Variants in CEP112 observed in about 807,000 individuals in gnomAD.
The protein encoded by CEP112 is centrosomal protein 112, also known as centrosomal protein of 112 kDa.
In CEP112, 127 loss-of-function variants were observed where a neutral mutation model predicts 153.0. The ratio of observed to expected loss-of-function variants is 0.83; its 90% CI spans 0.72 to 0.96. CEP112 has a LOEUF of 0.96. Ranked by LOEUF, CEP112 falls within the 40% of genes least tolerant of loss-of-function variation. The pLI is 0.00. For missense variants in CEP112, 1,089 were observed against 1,101.2 expected, an observed-to-expected ratio of 0.99 and a Z score of 0.16; for synonymous variants, 358 against 374.4, an observed-to-expected ratio of 0.96 and a Z score of 0.51.
intron 12 of CEP112, 55 bp from the exon 13 acceptor site, chr17:66,030,078 T>C: frequency 1.4e-6 from 2 of 1,472,256 alleles, no homozygotes; most frequent in Non-Finnish European, 1.9e-6. Context: ...AACACTTTTG[T>C]ATCTGTAAGA....
At chr17:66,092,123 C>G (rs1216920958) in intron 8 of CEP112, among the ~76,000 whole-genome samples, 1 of 151,286 alleles carries the variant, frequency 6.6e-6, no homozygotes, top group Admixed American at 6.6e-5. Flanking sequence ...CACTGCAACC[C>G]CCACCTCCCA....
At chr17:66,005,624 T>C (rs1968872551) in intron 17 of CEP112, 66 bp downstream of exon 17, 2 of 1,546,856 alleles carry the variant, frequency 1.3e-6, no homozygotes, top group African/African-American at 2.8e-5. Flanking sequence ...AGGTCCCAGT[T>C]ACTTAATTTG....
chr17:66,099,504 C>CAAAAAA (rs71160532), intron 6 of CEP112, among the ~76,000 whole-genome samples: 2 of 113,936 alleles, frequency 1.8e-5, no homozygotes, highest in Admixed American at 9.4e-5. Flanking sequence ...AACTCTGTCT[C>CAAAAAA]AAAAAAAAAA....
At chr17:65,753,642 T>G (rs574711134) in intron 21 of CEP112, among the ~76,000 whole-genome samples, 1 of 152,328 alleles carries the variant, frequency 6.6e-6, no homozygotes, top group African/African-American at 2.4e-5. Context: ...GGTTTATTTG[T>G]CTTGGCTCAC....
At chr17:65,792,714 T>C (rs1340123433) in intron 21 of CEP112, among the ~76,000 whole-genome samples, 1 of 152,180 alleles carries the variant, frequency 6.6e-6, no homozygotes, top group East Asian at 1.9e-4. Context: ...AGAGCTGAAT[T>C]TTCTCTGACC....
intron 8 of CEP112, among the ~76,000 whole-genome samples, chr17:66,072,313 C>T (rs915806483): frequency 6.6e-6 from 1 of 152,112 alleles, no homozygotes; most frequent in Non-Finnish European, 1.5e-5. Flanking sequence ...TTATCTACTG[C>T]ACAGTTTATA....
In CEP112 at chr17:66,149,876, T is replaced by TTTTG. The variant is rs1157928278; in HGVS notation, c.471-17117_471-17114dup. On this transcript the variant is annotated intron_variant, in intron 4 of 26. Coordinates refer to ENST00000535342, the MANE Select transcript of CEP112 (RefSeq NM_001199165.4). ...TAAGGTGTAAATTTAGGGTTTTTTT[T>TTTTG]TTTGTTTGTTTGTTTTTTTTTTTTT... Among the ~76,000 whole-genome samples, 87 of 71,666 alleles carry TTTTG rather than the reference T, an allele frequency of 1.2e-3. 1 individual carries two copies. Among genetic ancestry groups the TTTTG allele is most frequent in the African/African-American group, 3.1e-3 (58 of 18,488 alleles). 47.0% of individuals were successfully genotyped at this position (71,666 alleles called of 152,430 possible). A position where few individuals can be genotyped will look rare whatever the true frequency, so the allele number is the denominator to read the frequency against.
At chr17:65,950,699 C>CTATTAGTAGTAGTAGTAG (rs57598697) in intron 18 of CEP112, among the ~76,000 whole-genome samples, 55 of 147,134 alleles carry the variant, frequency 3.7e-4, no homozygotes, top group African/African-American at 1.3e-3. Flanking sequence ...GGATACATTA[C>CTATTAGTAGTAGTAGTAG]TAGTAGTAGT....
intron 18 of CEP112, among the ~76,000 whole-genome samples, chr17:65,946,927 G>A (rs983423092): frequency 6.6e-6 from 1 of 151,796 alleles, no homozygotes; most frequent in Non-Finnish European, 1.5e-5. Context: ...TTTATTCTTG[G>A]GTAAGTGATG....
chr17:66,005,719 C>A lies in CEP112; in HGVS notation c.1707G>T (p.Lys569Asn), dbSNP rs764946422. The change falls in exon 17 of 27, where the codon AAG becomes AAT. Residue 569 changes from lysine (K) to asparagine (N), a missense_variant. Lys to Asn is a moderately conservative substitution (Grantham distance 94). Coordinates refer to ENST00000535342, the MANE Select transcript of CEP112 (RefSeq NM_001199165.4). ...ELDKGKEDTQ[K>N]KIHKFEEALK... Reference sequence around the variant, plus strand: ...AAGCTTCCTCAAATTTATGAATTTTCTTTTGAGTATCTTCTTTTCCTTTAT... The same window carrying A: ...AAGCTTCCTCAAATTTATGAATTTTATTTTGAGTATCTTCTTTTCCTTTAT... The A allele has an allele frequency of 6.5e-5, 105 of 1,610,000 alleles. No homozygotes were observed. The highest frequency in any genetic ancestry group is 8.4e-5 in the Admixed American group (5 of 59,308).
At chr17:65,775,744 T>G (rs1598545203) in intron 21 of CEP112, among the ~76,000 whole-genome samples, 1 of 152,114 alleles carries the variant, frequency 6.6e-6, no homozygotes, top group Non-Finnish European at 1.5e-5. Flanking sequence ...CTCAAGTGAT[T>G]CACCCGCCTC....
intron 19 of CEP112, among the ~76,000 whole-genome samples, chr17:65,906,517 C>T (rs866161968): frequency 6.6e-6 from 1 of 152,060 alleles, no homozygotes; most frequent in African/African-American, 2.4e-5. Context: ...TGAACATATA[C>T]ACTTATAACA....
intron 24 of CEP112, among the ~76,000 whole-genome samples, chr17:65,667,558 TACACACAC>T (rs71361241): frequency 1.3e-5 from 2 of 149,178 alleles, no homozygotes; most frequent in Non-Finnish European, 3.0e-5. Flanking sequence ...TTTGTACTCT[TACACACAC>T]ACACACACAC....
In CEP112 at chr17:66,076,598, C is replaced by T. The variant is rs532834885; in HGVS notation, c.769-6597G>A. Among the ~76,000 whole-genome samples, 6 of 152,268 alleles carry T rather than the reference C, an allele frequency of 3.9e-5. No individual in the cohort carries two copies. In the East Asian group the frequency reaches 1.2e-3, roughly 29 times the overall value. The stretch of plus-strand genomic sequence containing the variant: ...GCTCAGACATGCCTAGCCCTGCCCC[C>T]ACCTGCTGGGCCTTCCCTATCCACA... On this transcript the variant is annotated intron_variant, in intron 8 of 26. Coordinates refer to ENST00000535342, the MANE Select transcript of CEP112 (RefSeq NM_001199165.4).
intron 17 of CEP112, among the ~76,000 whole-genome samples, chr17:65,997,965 A>G (rs1408456631): frequency 6.6e-6 from 1 of 152,216 alleles, no homozygotes; most frequent in East Asian, 1.9e-4. Context: ...ATTGAAAGTC[A>G]AAATAAGAAA....
rs1818779298 is a variant in CEP112 at position 65,637,104 on chromosome 17, C to T, written c.2864+20G>A. 6.2e-7 allele frequency: 1 copy of T among 1,603,106 alleles called. No homozygotes were observed. Among genetic ancestry groups the T allele is most frequent in the Non-Finnish European group, 8.5e-7 (1 of 1,170,182 alleles). On this transcript the variant is annotated intron_variant, in intron 26 of 26. Transcript: ENST00000535342. The stretch of plus-strand genomic sequence containing the variant: ...AACACAAACTAATCAGGAGACAAGA[C>T]ACCTGCTTATGGGCTGTACCTTCTG...
intron 12 of CEP112, among the ~76,000 whole-genome samples, chr17:66,040,368 C>T (rs2065916392): frequency 6.6e-6 from 1 of 152,002 alleles, no homozygotes; most frequent in African/African-American, 2.4e-5. Flanking sequence ...TATTCAAATA[C>T]ATTGCTCTTT....
chr17:65,695,201 AC>A lies in CEP112; in HGVS notation c.2608-5984del, dbSNP rs1245073928. ...AGCTCCACAAGAACAATGAGCGCAC[AC>A]CGCACTCTTTAAAAGGGAGAGCATT... On this transcript the variant is annotated intron_variant, in intron 23 of 26. Transcript: ENST00000535342. Among the ~76,000 whole-genome samples, 4 of 152,236 alleles carry A rather than the reference AC, an allele frequency of 2.6e-5. No individual in the cohort carries two copies. In the East Asian group the frequency reaches 7.7e-4, roughly 29 times the overall value.
intron 23 of CEP112, among the ~76,000 whole-genome samples, chr17:65,713,333 C>A (rs1198734322): frequency 6.6e-6 from 1 of 152,042 alleles, no homozygotes; most frequent in Non-Finnish European, 1.5e-5. Flanking sequence ...CAAATCTGCA[C>A]AGGATACAAA....
Sources: allele counts gnomAD v4.1 joint callset (sites outside exome capture counted in the v4.1 genomes callset), GRCh38; gene constraint gnomAD v4.1.1; transcripts MANE v1.5; gene names NCBI Gene and HGNC (gene_info 2026-07-23, HGNC 2026-07-21).